Variants in DNAH2 observed in about 807,000 individuals in gnomAD.
DNAH2 encodes the protein axonemal beta dynein heavy chain 2.
DNAH2 carries 323 observed loss-of-function variants against 523.5 expected under a neutral mutation model. That is an observed-to-expected ratio of 0.62 (90% CI 0.56 to 0.68). DNAH2 has a LOEUF of 0.68. Ranked by LOEUF, DNAH2 falls within the 30% of genes least tolerant of loss-of-function variation. The probability of loss-of-function intolerance (pLI) is 0.00; values close to 1 mark genes in which losing one functional copy is unlikely to be tolerated. For synonymous variants in DNAH2, 2,093 were observed against 2,177.4 expected, an observed-to-expected ratio of 0.96 and a Z score of 1.08; for missense variants, 4,907 against 5,701.5, an observed-to-expected ratio of 0.86 and a Z score of 4.49.
chr17:7,793,447 T>TTCTTTTTCTTTC (rs774059490), intron 48 of DNAH2, among the ~76,000 whole-genome samples: 3,317 of 96,146 alleles, frequency 0.034, 73 homozygotes, highest in East Asian at 0.062. Context: ...CTTTCTTTCT[T>TTCTTTTTCTTTC]TTTCTTTCTT....
Position 7,833,604 on chromosome 17 carries a change from G to C in DNAH2, c.*71G>C. 1 of 1,597,336 alleles carries C rather than the reference G, an allele frequency of 6.3e-7. No homozygotes were observed. The highest frequency in any genetic ancestry group is 1.1e-5 in the South Asian group (1 of 90,402). ...GGAGCTAAGACAGATGTTGCACCTA[G>C]GACTGAGGCCGGACCTCACTCAGAC... On this transcript the variant is annotated 3_prime_UTR_variant, in exon 86 of 86. Coordinates refer to ENST00000572933, the MANE Select transcript of DNAH2 (RefSeq NM_020877.5).
rs141623156 is a variant in DNAH2, at chr17:7,797,426, C to T, written c.7976C>T (p.Ala2659Val). The change falls in exon 52 of 86, where the codon GCG (alanine) becomes GTG (valine). Residue 2659 changes from alanine to valine, a missense_variant. Coordinates refer to ENST00000572933, the MANE Select transcript of DNAH2 (RefSeq NM_020877.5). The stretch of plus-strand genomic sequence containing the variant: ...GTCTTCTCTGACCGGCTGGTTGATG[C>T]GGCAGACACAGAAGCCTTCATGGGC... ...FRVFSDRLVD[A>V]ADTEAFMGII... is the part of the protein sequence containing the mutation. 2.5e-5 allele frequency: 40 copies of T among 1,613,972 alleles called. No homozygotes were observed. In the African/African-American group the frequency reaches 2.5e-4, roughly 10 times the overall value.
Position 7,727,188 on chromosome 17 carries a change from G to A in DNAH2, c.295G>A (p.Asp99Asn). 6.2e-7 allele frequency: 1 copy of A among 1,608,438 alleles called. No homozygotes were observed. The highest frequency in any genetic ancestry group is 1.1e-5 in the South Asian group (1 of 90,066). Residue 99 changes from aspartate to asparagine, a missense_variant, in exon 4 of 86, where the codon GAT (aspartate) becomes AAT (asparagine). Coordinates refer to ENST00000572933, the MANE Select transcript of DNAH2 (RefSeq NM_020877.5). ...GGATGCAGTGTGGACACAGGAGCAT[G>A]ATGCCATTCTGGAACACTTTGCCCA... is the stretch of plus-strand genomic sequence containing the variant. ...LADAVWTQEHDAILEHFAQDP... is the reference protein window; with the variant it reads ...LADAVWTQEHNAILEHFAQDP...
intron 28 of DNAH2, among the ~76,000 whole-genome samples, chr17:7,774,120 T>C (rs1331732401): frequency 1.3e-5 from 2 of 152,234 alleles, no homozygotes; most frequent in Non-Finnish European, 2.9e-5. Flanking sequence ...ATGGAAGCAC[T>C]TTACGGCTTC....
chr17:7,816,540 G>A (rs2077671110), intron 63 of DNAH2, 31 bp from the exon 64 acceptor site: 2 of 1,612,424 alleles, frequency 1.2e-6, no homozygotes, highest in Non-Finnish European at 1.7e-6. Context: ...CGAGCCCTGT[G>A]TTTGATGCGC....
At chr17:7,723,584 C>A in intron 2 of DNAH2, 44 bp from the exon 3 acceptor site, 1 of 1,588,578 alleles carries the variant, frequency 6.3e-7, no homozygotes, top group Non-Finnish European at 8.6e-7. Flanking sequence ...CTGTGTTTAA[C>A]TTTCCAAGAA....
rs1167651947 is a variant in DNAH2 at position 7,740,406 on chromosome 17, C to T, written c.1377-14C>T. On this transcript the variant is annotated splice_polypyrimidine_tract_variant and intron_variant, in intron 9 of 85. Coordinates refer to ENST00000572933, the MANE Select transcript of DNAH2 (RefSeq NM_020877.5). ...GAGGGCACTCAGCTGCCACATGCCT[C>T]TCCACCGGTGCAGGTTCCGTGCCGG... The T allele has an allele frequency of 1.2e-6, 2 of 1,613,808 alleles. No individual in the cohort carries two copies. The highest frequency in any genetic ancestry group is 2.2e-5 in the South Asian group (2 of 91,018).
chr17:7,745,034 G>T (rs1300965102), intron 12 of DNAH2, among the ~76,000 whole-genome samples: 3 of 149,806 alleles, frequency 2.0e-5, no homozygotes, highest in African/African-American at 7.4e-5. Context: ...TCACTCTGTC[G>T]CCCAGGTTGG....
intron 12 of DNAH2, among the ~76,000 whole-genome samples, chr17:7,753,159 A>G (rs2075736315): frequency 1.3e-5 from 2 of 152,234 alleles, no homozygotes; most frequent in Admixed American, 1.3e-4. Context: ...GATGTCGGAA[A>G]GTAAGGCCGA....
intron 39 of DNAH2, among the ~76,000 whole-genome samples, chr17:7,784,326 T>G (rs2076679107): frequency 6.6e-6 from 1 of 152,156 alleles, no homozygotes; most frequent in Non-Finnish European, 1.5e-5. Flanking sequence ...TATAGAAGAT[T>G]TGAAGAACAC....
intron 73 of DNAH2, among the ~76,000 whole-genome samples, chr17:7,822,338 A>C (rs2077879481): frequency 6.6e-6 from 1 of 152,054 alleles, no homozygotes; most frequent in Admixed American, 6.6e-5. Flanking sequence ...CTCCCACCAC[A>C]CAGCCCCCAC....
chr17:7,795,973 A>G (rs1243773671), intron 49 of DNAH2, among the ~76,000 whole-genome samples: 1 of 146,528 alleles, frequency 6.8e-6, no homozygotes, highest in East Asian at 1.9e-4. Context: ...ATAAATATGT[A>G]TAAATATATA....
At chr17:7,769,780 G>A (rs888366991) in intron 24 of DNAH2, among the ~76,000 whole-genome samples, 1 of 152,122 alleles carries the variant, frequency 6.6e-6, no homozygotes, top group African/African-American at 2.4e-5. Context: ...TTACTTCTTT[G>A]TCTTTCTTCC....
At chr17:7,722,024 A>G (rs1291962122) in intron 2 of DNAH2, among the ~76,000 whole-genome samples, 1 of 152,078 alleles carries the variant, frequency 6.6e-6, no homozygotes, top group East Asian at 1.9e-4. Context: ...TTGGAGACAG[A>G]ATCTTGCCCT....
In DNAH2 at chr17:7,775,155, G is replaced by A; in HGVS notation, c.4720-86G>A. On this transcript the variant is annotated intron_variant, in intron 29 of 85. Transcript: ENST00000572933. Reference sequence around the variant, plus strand: ...ATATTGAGAGGAGGGGAGAGGAGCAGTAATTATCCTCAAAAGGCCCCAGGA... The same window carrying A: ...ATATTGAGAGGAGGGGAGAGGAGCAATAATTATCCTCAAAAGGCCCCAGGA... The A allele has an allele frequency of 8.6e-6, 12 of 1,400,376 alleles. No individual in the cohort carries two copies. In the South Asian group the frequency reaches 1.5e-4, roughly 17 times the overall value. The allele number at this position is 1,400,376 out of a possible 1,614,324, so 86.7% of individuals were successfully genotyped here. A position where few individuals can be genotyped will look rare whatever the true frequency, so the allele number is the denominator to read the frequency against.
At chr17:7,794,432 G>T in intron 49 of DNAH2, 74 bp downstream of exon 49, 2 of 1,390,550 alleles carry the variant, frequency 1.4e-6, no homozygotes, top group Non-Finnish European at 2.0e-6. Flanking sequence ...AGAAGCAGGG[G>T]CCAGATCCCA....
Position 7,803,967 on chromosome 17 carries a change from C to T in DNAH2, c.8973-289C>T, listed in dbSNP as rs539685019. On this transcript the variant is annotated intron_variant, in intron 58 of 85. Transcript: ENST00000572933. ...CCACAGTGGGAAACAGAGGAAGATT[C>T]TCATGTAGGGGAGGTGGTGTGATGG... Among the ~76,000 whole-genome samples the T allele has an allele frequency of 2.0e-5, 3 of 152,284 alleles. No individual in the cohort carries two copies. The East Asian group carries it at 5.8e-4, about 29-fold the overall frequency.
Position 7,794,241 on chromosome 17 carries a change from C to T in DNAH2, c.7570-13C>T, listed in dbSNP as rs771358042. The T allele has an allele frequency of 4.9e-5, 78 of 1,592,972 alleles. No homozygotes were observed. Among genetic ancestry groups the T allele is most frequent in the African/African-American group, 6.8e-5 (5 of 73,996 alleles). On this transcript the variant is annotated splice_polypyrimidine_tract_variant and intron_variant, in intron 48 of 85. Transcript: ENST00000572933. ...CCTCCTGCCTGTCTGCCCTCCTTGT[C>T]GCTGCTCTCTAGGAAATGTTCCTGA...
intron 11 of DNAH2, among the ~76,000 whole-genome samples, chr17:7,741,277 TC>T (rs1439858656): frequency 1.1e-4 from 6 of 55,348 alleles, no homozygotes; most frequent in African/African-American, 6.3e-4. Context: ...TTTCTTTCTT[TC>T]TTTCTTTCTT....
Sources: allele counts gnomAD v4.1 joint callset (sites outside exome capture counted in the v4.1 genomes callset), GRCh38; gene constraint gnomAD v4.1.1; transcripts MANE v1.5; gene names NCBI Gene and HGNC (gene_info 2026-07-23, HGNC 2026-07-21).